Variants in THSD4 observed in about 807,000 individuals in gnomAD.
THSD4 encodes thrombospondin type 1 domain containing 4.
A neutral mutation model predicts 119.0 loss-of-function variants in THSD4; 69 were observed. That is an observed-to-expected ratio of 0.58 (90% CI 0.48 to 0.71). The LOEUF is 0.71. THSD4 is among the 30% of genes least tolerant of loss of function. THSD4 has a pLI of 0.00. For synonymous variants in THSD4, 524 were observed against 540.4 expected (o/e 0.97, Z 0.42); for missense variants, 1,393 against 1,391.1 (o/e 1.00, Z -0.02).
intron 6 of THSD4, among the ~76,000 whole-genome samples, chr15:71,366,597 A>G (rs1287595660): frequency 1.3e-5 from 2 of 151,996 alleles, no homozygotes; most frequent in African/African-American, 4.8e-5. Context: ...CCCGCACTAT[A>G]TGGGCCCTCT....
At chr15:71,165,967 C>G (rs1380033411) in intron 3 of THSD4, among the ~76,000 whole-genome samples, 1 of 152,066 alleles carries the variant, frequency 6.6e-6, no homozygotes, top group African/African-American at 2.4e-5. Context: ...ATGTGGTGCT[C>G]TCTCTGTAGG....
chr15:71,182,024 G>T (rs1480586650), intron 3 of THSD4, among the ~76,000 whole-genome samples: 1 of 152,218 alleles, frequency 6.6e-6, no homozygotes, highest in Non-Finnish European at 1.5e-5. Context: ...GTAAGCTGGA[G>T]ACACAAGGAT....
intron 6 of THSD4, among the ~76,000 whole-genome samples, chr15:71,336,678 A>G (rs1343400120): frequency 6.6e-6 from 1 of 152,168 alleles, no homozygotes; most frequent in Non-Finnish European, 1.5e-5. Flanking sequence ...AAAATTTATC[A>G]TTTCTGTTCC....
At chr15:71,301,622 C>T (rs144062644) in intron 6 of THSD4, among the ~76,000 whole-genome samples, 189 of 152,330 alleles carry the variant, frequency 1.2e-3, no homozygotes, top group Middle Eastern at 3.4e-3. Context: ...CTGTTCTGGG[C>T]TGTCCTTTCT....
rs532894867 is a variant in THSD4 at position 71,697,079 on chromosome 15, C to T, written c.1358-31470C>T. ...GCCCTTTGGCAACTGGGTGATAAGA[C>T]GGTGAAGGAGCAAAAGGGGATGATT... On this transcript the variant is annotated intron_variant, in intron 8 of 17. Transcript: ENST00000261862. Among the ~76,000 whole-genome samples the T allele has an allele frequency of 2.2e-4, 33 of 152,156 alleles. No individual in the cohort carries two copies. The South Asian group carries it at 6.2e-3, about 29-fold the overall frequency.
intron 6 of THSD4, among the ~76,000 whole-genome samples, chr15:71,289,385 T>C (rs1239684235): frequency 6.6e-6 from 1 of 152,186 alleles, no homozygotes; most frequent in Non-Finnish European, 1.5e-5. Context: ...TCAGTTGCAC[T>C]GGACGCCAAG....
At position 71,683,330 on chromosome 15, in the gene THSD4, C is replaced by T. The variant is rs570186069; in HGVS notation, c.1357+22596C>T. On this transcript the variant is annotated intron_variant, in intron 8 of 17. Transcript: ENST00000261862. ...AAAAAAAATCCTATGGGTGTTTGCACGCAATTATGTTAAATTCATTCAATA... is the reference window on the plus strand; with the variant it reads ...AAAAAAAATCCTATGGGTGTTTGCATGCAATTATGTTAAATTCATTCAATA... Among the ~76,000 whole-genome samples, 6 of 152,026 alleles carry T rather than the reference C, an allele frequency of 3.9e-5. No individual in the cohort carries two copies. In the East Asian group the frequency reaches 5.8e-4, roughly 15 times the overall value.
intron 7 of THSD4, among the ~76,000 whole-genome samples, chr15:71,560,901 C>A (rs1051055800): frequency 4.0e-5 from 6 of 151,864 alleles, no homozygotes; most frequent in African/African-American, 1.5e-4. Context: ...ACACACAGGC[C>A]TGAGCTTGAC....
intron 7 of THSD4, among the ~76,000 whole-genome samples, chr15:71,558,588 C>T (rs948605456): frequency 6.6e-6 from 1 of 152,128 alleles, no homozygotes; most frequent in Non-Finnish European, 1.5e-5. Flanking sequence ...TCCACCTCAG[C>T]TTCCCCAGTA....
chr15:71,276,750 C>T (rs1281473243), intron 6 of THSD4, among the ~76,000 whole-genome samples: 6 of 152,098 alleles, frequency 3.9e-5, no homozygotes, highest in Non-Finnish European at 8.8e-5. Flanking sequence ...TCTTTAATGG[C>T]AGGGAATGAT....
chr15:71,580,704 C>G (rs1450132120), intron 7 of THSD4, among the ~76,000 whole-genome samples: 2 of 152,140 alleles, frequency 1.3e-5, no homozygotes, highest in African/African-American at 4.8e-5. Context: ...ATGAATTCAA[C>G]TTTTTTTACA....
intron 3 of THSD4, among the ~76,000 whole-genome samples, chr15:71,197,969 A>G (rs1326263707): frequency 1.3e-5 from 2 of 152,192 alleles, no homozygotes; most frequent in African/African-American, 4.8e-5. Flanking sequence ...AAGCTGGAGA[A>G]TGCAGTCAGG....
intron 7 of THSD4, among the ~76,000 whole-genome samples, chr15:71,595,810 C>T (rs919507270): frequency 2.6e-5 from 4 of 152,204 alleles, no homozygotes; most frequent in African/African-American, 9.7e-5. Context: ...TACTGTTATA[C>T]CCATTCTACA....
chr15:71,295,567 T>C (rs1433100251), intron 6 of THSD4, among the ~76,000 whole-genome samples: 2 of 152,184 alleles, frequency 1.3e-5, no homozygotes, highest in Non-Finnish European at 2.9e-5. Context: ...ACTTTGTGAC[T>C]CTGGGTGAAT....
chr15:71,396,120 G>A (rs1346746326), intron 6 of THSD4, among the ~76,000 whole-genome samples: 1 of 152,048 alleles, frequency 6.6e-6, no homozygotes, highest in Non-Finnish European at 1.5e-5. Flanking sequence ...ACGTGTGGAT[G>A]TGCACACACA....
At chr15:71,265,399 C>G (rs926918255) in intron 6 of THSD4, among the ~76,000 whole-genome samples, 1 of 152,054 alleles carries the variant, frequency 6.6e-6, no homozygotes, top group African/African-American at 2.4e-5. Context: ...GAGACTGTGC[C>G]TTGAGGAATG....
At chr15:71,622,609 A>G (rs535917779) in intron 7 of THSD4, among the ~76,000 whole-genome samples, 7 of 152,298 alleles carry the variant, frequency 4.6e-5, no homozygotes, top group East Asian at 3.9e-4. Context: ...ACTTTTTTCA[A>G]GATGTTCAAT....
chr15:71,692,516 A>G (rs987378920), intron 8 of THSD4, among the ~76,000 whole-genome samples: 1 of 152,134 alleles, frequency 6.6e-6, no homozygotes, highest in Middle Eastern at 3.2e-3. Context: ...TTAGCTCTGC[A>G]GTGTACAGGG....
intron 7 of THSD4, among the ~76,000 whole-genome samples, chr15:71,558,279 G>A (rs1031858918): frequency 2.1e-4 from 32 of 152,132 alleles, no homozygotes; most frequent in Non-Finnish European, 3.7e-4. Context: ...AGTGAGCTGC[G>A]ACTGCACCAT....
Sources: allele counts gnomAD v4.1 joint callset (sites outside exome capture counted in the v4.1 genomes callset), GRCh38; gene constraint gnomAD v4.1.1; transcripts MANE v1.5; gene names NCBI Gene and HGNC (gene_info 2026-07-23, HGNC 2026-07-21).